Variants in CNDP2 observed in about 807,000 individuals in gnomAD.
The protein encoded by CNDP2 is cytosolic non-specific dipeptidase.
In CNDP2, 38 loss-of-function variants were observed where a neutral mutation model predicts 55.0. The ratio of observed to expected loss-of-function variants is 0.69; its 90% CI spans 0.53 to 0.90. The LOEUF (loss-of-function observed/expected upper bound fraction) is 0.90, where lower values mean the gene tolerates loss of function less well. Ranked by LOEUF, CNDP2 falls within the 40% of genes least tolerant of loss-of-function variation. CNDP2 has a pLI of 0.00. For missense variants in CNDP2, 607 were observed against 621.7 expected, an observed-to-expected ratio of 0.98 and a Z score of 0.25; for synonymous variants, 241 against 260.2, an observed-to-expected ratio of 0.93 and a Z score of 0.71.
At chr18:74,512,651 C>T (rs564186764) in intron 7 of CNDP2, 119 bp downstream of exon 7, 2 of 781,088 alleles carry the variant, frequency 2.6e-6, no homozygotes, top group South Asian at 1.9e-5. Flanking sequence ...ACTTCTGTCT[C>T]AGTTTCCTAC....
At position 74,516,302 on chromosome 18, in the gene CNDP2, T is replaced by C; in HGVS notation, c.978T>C (p.Ser326=). The C allele has an allele frequency of 6.2e-7, 1 of 1,614,162 alleles. No homozygotes were observed. The highest frequency in any genetic ancestry group is 8.5e-7 in the Non-Finnish European group (1 of 1,180,012). The change falls in exon 9 of 12, where the codon TCT becomes TCC. Residue 326 remains serine (S), a synonymous_variant. Transcript: ENST00000324262. ...GCATCGAAGGCGCCTTCTCTGGGTCTGGGGCCAAGACCGTGATTCCCAGGA... is the reference window on the plus strand; with the variant it reads ...GCATCGAAGGCGCCTTCTCTGGGTCCGGGGCCAAGACCGTGATTCCCAGGA... The part of the protein sequence containing the change: ...LHGIEGAFSG[S]GAKTVIPRKV...
At chr18:74,519,928 G>A (rs1203155666) in intron 11 of CNDP2, 71 bp from the exon 12 acceptor site, 3 of 1,413,474 alleles carry the variant, frequency 2.1e-6, no homozygotes, top group African/African-American at 1.4e-5. Flanking sequence ...CTGGGCTCGG[G>A]AGGAGTCACC....
Position 74,499,886 on chromosome 18 carries a change from C to T in CNDP2, c.-88C>T. 3.4e-6 allele frequency: 4 copies of T among 1,185,236 alleles called. No individual in the cohort carries two copies. Among genetic ancestry groups the T allele is most frequent in the Non-Finnish European group, 4.9e-6 (4 of 812,470 alleles). 73.4% of individuals were successfully genotyped at this position (1,185,236 alleles called of 1,614,324 possible). A position where few individuals can be genotyped will look rare whatever the true frequency, so the allele number is the denominator to read the frequency against. On this transcript the variant is annotated 5_prime_UTR_variant, in exon 2 of 12. Coordinates refer to ENST00000324262, the MANE Select transcript of CNDP2 (RefSeq NM_018235.3). ...GAACACGTGCTTTCTGGGCAGGTCG[C>T]CCCTCAGTCTCCACTAGAGACAGGA... is the stretch of plus-strand genomic sequence containing the variant.
chr18:74,501,285 G>A (rs1403889540), intron 2 of CNDP2, 44 bp from the exon 3 acceptor site: 2 of 1,592,158 alleles, frequency 1.3e-6, no homozygotes. Context: ...TCTCCCTCAA[G>A]GACACCTTTT....
At chr18:74,501,077 T>G (rs8084109) in intron 2 of CNDP2, 3 of 833,314 alleles carry the variant, frequency 3.6e-6, no homozygotes, top group Non-Finnish European at 4.6e-6. Flanking sequence ...ACTTCCTTGT[T>G]TTTTTTTTGT....
intron 1 of CNDP2, among the ~76,000 whole-genome samples, chr18:74,498,361 G>A (rs184436089): frequency 6.6e-6 from 1 of 152,214 alleles, no homozygotes; most frequent in Admixed American, 6.5e-5. Flanking sequence ...GTAGGTATTT[G>A]TGTATCTAAA....
chr18:74,501,364 T>A lies in CNDP2; in HGVS notation c.96T>A (p.Ser32=), dbSNP rs776617743. 3.7e-6 allele frequency: 6 copies of A among 1,614,116 alleles called. No homozygotes were observed. Among genetic ancestry groups the A allele is most frequent in the Non-Finnish European group, 5.1e-6 (6 of 1,180,004 alleles). ...AATGGGTGGCTATCCAGAGTGTGTCTGCGTGGCCGGAGAAGAGAGGCGAAA... is the reference window on the plus strand; with the variant it reads ...AATGGGTGGCTATCCAGAGTGTGTCAGCGTGGCCGGAGAAGAGAGGCGAAA... ...LAKWVAIQSV[S]AWPEKRGEIR... Residue 32 remains serine, a synonymous_variant, in exon 3 of 12, where the codon TCT becomes TCA. Coordinates refer to ENST00000324262, the MANE Select transcript of CNDP2 (RefSeq NM_018235.3).
intron 4 of CNDP2, 169 bp from the exon 5 acceptor site, chr18:74,508,671 T>C (rs1979168193): frequency 3.4e-6 from 2 of 589,934 alleles, no homozygotes; most frequent in East Asian, 5.6e-5. Context: ...TGCCAAATTC[T>C]CTGACAAATT....
intron 8 of CNDP2, 56 bp from the exon 9 acceptor site, chr18:74,516,172 A>G: frequency 6.6e-7 from 1 of 1,525,792 alleles, no homozygotes; most frequent in Non-Finnish European, 8.9e-7. Flanking sequence ...CTCGGTGAGC[A>G]GACAGGGCTG....
chr18:74,518,887 A>G lies in CNDP2; in HGVS notation c.1211-62A>G. On this transcript the variant is annotated intron_variant, in intron 10 of 11. Transcript: ENST00000324262. ...CTGAGTGCTACTGAGTAGTGGTCTG[A>G]GACAGATCCCCAGCCTTAGGGCCCC... 3 of 1,605,168 alleles carry G rather than the reference A, an allele frequency of 1.9e-6. No individual in the cohort carries two copies. In the South Asian group the frequency reaches 3.4e-5, roughly 18 times the overall value.
chr18:74,513,363 A>G (rs1319705400), intron 7 of CNDP2, among the ~76,000 whole-genome samples, 196 bp from the exon 8 acceptor site: 2 of 152,216 alleles, frequency 1.3e-5, no homozygotes, highest in Non-Finnish European at 2.9e-5. Flanking sequence ...CTGACAGGCG[A>G]TATGTGCATG....
At chr18:74,505,738 T>C in intron 3 of CNDP2, 111 bp from the exon 4 acceptor site, 1 of 1,168,114 alleles carries the variant, frequency 8.6e-7, no homozygotes, top group Non-Finnish European at 1.2e-6. Flanking sequence ...ACAATAGAGG[T>C]TGATTGATAA....
chr18:74,509,485 T>G (rs1480431673), intron 5 of CNDP2: 3 of 152,304 alleles, frequency 2.0e-5, no homozygotes, highest in African/African-American at 7.3e-5. Flanking sequence ...AACTACAAAA[T>G]TAACCGGGCA....
rs912794687 is a variant in CNDP2, at chr18:74,510,882, C to G, written c.526C>G (p.Leu176Val). 1.1e-5 allele frequency: 17 copies of G among 1,614,208 alleles called. No homozygotes were observed. The highest frequency in any genetic ancestry group is 1.4e-5 in the Non-Finnish European group (17 of 1,180,034). Residue 176 changes from leucine (L) to valine (V), a missense_variant, in exon 6 of 12, where the codon CTG becomes GTG. Coordinates refer to ENST00000324262, the MANE Select transcript of CNDP2 (RefSeq NM_018235.3). ...GTCAGGCTCTGAGGGCCTAGACGAG[C>G]TGATTTTTGCCCGGAAAGACACATT... ...EESGSEGLDELIFARKDTFFK... is the reference protein window; with the variant it reads ...EESGSEGLDEVIFARKDTFFK...
intron 3 of CNDP2, among the ~76,000 whole-genome samples, chr18:74,501,737 A>G (rs371429811): frequency 2.0e-5 from 3 of 152,206 alleles, no homozygotes; most frequent in African/African-American, 7.2e-5. Flanking sequence ...TGTAACAGTC[A>G]TTCTGAGAGA....
chr18:74,508,738 C>T (rs1482035744), intron 4 of CNDP2, 102 bp from the exon 5 acceptor site: 9 of 850,478 alleles, frequency 1.1e-5, no homozygotes, highest in Admixed American at 3.9e-5. Flanking sequence ...AAGCCTCTCT[C>T]GTGTTTGCTT....
intron 8 of CNDP2, among the ~76,000 whole-genome samples, chr18:74,515,982 C>T (rs893423475): frequency 6.6e-6 from 1 of 152,246 alleles, no homozygotes; most frequent in African/African-American, 2.4e-5. Context: ...GAGCCACCCA[C>T]GCTGCAGCGA....
chr18:74,502,205 C>T (rs2144575564), intron 3 of CNDP2, among the ~76,000 whole-genome samples: 1 of 152,238 alleles, frequency 6.6e-6, no homozygotes. Flanking sequence ...GTGTGGGGGT[C>T]TGTTGTTTTT....
At chr18:74,508,967 TC>T (rs1414587154) in intron 5 of CNDP2, 39 bp downstream of exon 5, 42 of 1,544,938 alleles carry the variant, frequency 2.7e-5, no homozygotes, top group Non-Finnish European at 3.5e-5. Flanking sequence ...AGTCCTGGGT[TC>T]CATCTGAGCC....
Sources: allele counts gnomAD v4.1 joint callset (sites outside exome capture counted in the v4.1 genomes callset), GRCh38; gene constraint gnomAD v4.1.1; transcripts MANE v1.5; gene names NCBI Gene and HGNC (gene_info 2026-07-23, HGNC 2026-07-21).